CHSY3: variants seen among roughly 807,000 people sequenced by gnomAD.
The protein encoded by CHSY3 is chondroitin sulfate synthase 3.
In CHSY3, 35 loss-of-function variants were observed where a neutral mutation model predicts 67.2. That is an observed-to-expected ratio of 0.52 (90% CI 0.40 to 0.69). CHSY3 has a LOEUF of 0.69. Ranked by LOEUF, CHSY3 falls within the 30% of genes least tolerant of loss-of-function variation. The pLI is 0.00. For missense variants in CHSY3, 1,069 were observed against 1,138.5 expected (o/e 0.94, Z 0.88); for synonymous variants, 474 against 434.7 (o/e 1.09, Z -1.12).
At chr5:129,991,682 T>C (rs1580622788) in intron 2 of CHSY3, among the ~76,000 whole-genome samples, 1 of 152,142 alleles carries the variant, frequency 6.6e-6, no homozygotes, top group South Asian at 2.1e-4. Flanking sequence ...CCATGGGTAG[T>C]GCCTTAATAG....
chr5:130,057,664 A>G (rs1423662991), intron 2 of CHSY3, among the ~76,000 whole-genome samples: 1 of 152,212 alleles, frequency 6.6e-6, no homozygotes, highest in African/African-American at 2.4e-5. Flanking sequence ...ATGTAAGTAT[A>G]AAAGGACTAA....
chr5:130,087,480 C>T (rs1766690088), intron 2 of CHSY3, among the ~76,000 whole-genome samples: 1 of 151,800 alleles, frequency 6.6e-6, no homozygotes, highest in Non-Finnish European at 1.5e-5. Context: ...ATTGTCTCAG[C>T]CCCAAATCTC....
intron 2 of CHSY3, among the ~76,000 whole-genome samples, chr5:129,982,694 A>G (rs536907600): frequency 7.9e-5 from 12 of 152,194 alleles, no homozygotes; most frequent in African/African-American, 2.6e-4. Flanking sequence ...AAGCTTTAAA[A>G]TTTATGTTAA....
chr5:130,084,062 T>A lies in CHSY3; in HGVS notation c.1087-100167T>A, dbSNP rs550884975. On this transcript the variant is annotated intron_variant, in intron 2 of 2. Transcript: ENST00000305031. ...ATCGTGTTAAACCATTTAATGTAAT[T>A]TAGCCACAACTAAAGTTTTCTGTCG... is the stretch of plus-strand genomic sequence containing the variant. Among the ~76,000 whole-genome samples the A allele has an allele frequency of 5.9e-5, 9 of 152,158 alleles. No homozygotes were observed. The South Asian group carries it at 1.9e-3, about 32-fold the overall frequency.
At chr5:130,033,884 A>G (rs190095349) in intron 2 of CHSY3, among the ~76,000 whole-genome samples, 1 of 152,328 alleles carries the variant, frequency 6.6e-6, no homozygotes. Flanking sequence ...CTATCTCAGA[A>G]CAAATTAAAG....
intron 2 of CHSY3, among the ~76,000 whole-genome samples, chr5:130,176,774 T>C (rs926316860): frequency 6.6e-6 from 1 of 151,998 alleles, no homozygotes; most frequent in African/African-American, 2.4e-5. Context: ...TTCTCACTAA[T>C]AGTGGGAGTT....
At chr5:130,097,334 G>A (rs939974681) in intron 2 of CHSY3, among the ~76,000 whole-genome samples, 2 of 152,210 alleles carry the variant, frequency 1.3e-5, no homozygotes, top group Non-Finnish European at 2.9e-5. Flanking sequence ...AAAACTTGAA[G>A]AAAGACTTCT....
At chr5:130,089,123 C>CA (rs1469818166) in intron 2 of CHSY3, among the ~76,000 whole-genome samples, 3 of 147,232 alleles carry the variant, frequency 2.0e-5, no homozygotes, top group African/African-American at 5.0e-5. Context: ...ATTGCAAGGA[C>CA]AAAAAACCAA....
At chr5:130,111,993 G>A (rs746645737) in intron 2 of CHSY3, among the ~76,000 whole-genome samples, 16 of 151,968 alleles carry the variant, frequency 1.1e-4, no homozygotes, top group African/African-American at 3.6e-4. Flanking sequence ...GAAAAGAATT[G>A]GATTAAACAG....
intron 2 of CHSY3, among the ~76,000 whole-genome samples, chr5:130,124,910 T>A (rs1232534364): frequency 6.6e-6 from 1 of 152,250 alleles, no homozygotes; most frequent in African/African-American, 2.4e-5. Context: ...GATTTCTCTC[T>A]CCTTATTCTT....
intron 2 of CHSY3, among the ~76,000 whole-genome samples, chr5:129,971,448 G>T (rs1762638063): frequency 6.6e-6 from 1 of 151,708 alleles, no homozygotes; most frequent in Non-Finnish European, 1.5e-5. Flanking sequence ...GCTAATAAAA[G>T]ACTTACATCA....
At chr5:130,168,057 C>CTTTTTTCT (rs1168183002) in intron 2 of CHSY3, among the ~76,000 whole-genome samples, 1 of 152,048 alleles carries the variant, frequency 6.6e-6, no homozygotes, top group East Asian at 1.9e-4. Flanking sequence ...TGAAGAGGTT[C>CTTTTTTCT]TTTTTTCTTT....
At chr5:129,955,488 C>G (rs571577915) in intron 2 of CHSY3, among the ~76,000 whole-genome samples, 1 of 150,210 alleles carries the variant, frequency 6.7e-6, no homozygotes, top group Non-Finnish European at 1.5e-5. Context: ...TTCCTCCTTT[C>G]TTTCCTTCCT....
intron 2 of CHSY3, among the ~76,000 whole-genome samples, chr5:130,164,751 G>T (rs1017514386): frequency 6.6e-6 from 1 of 152,076 alleles, no homozygotes; most frequent in African/African-American, 2.4e-5. Context: ...GAAAATTCCC[G>T]AGTTTGTTAA....
At chr5:129,938,841 CATCTTCTT>C (rs1250102046) in intron 2 of CHSY3, among the ~76,000 whole-genome samples, 2 of 152,282 alleles carry the variant, frequency 1.3e-5, no homozygotes, top group African/African-American at 2.4e-5. Flanking sequence ...CTCATTTTCT[CATCTTCTT>C]CTGAGCCCTG....
chr5:130,037,716 A>T (rs1276321720), intron 2 of CHSY3, among the ~76,000 whole-genome samples: 1 of 152,054 alleles, frequency 6.6e-6, no homozygotes, highest in African/African-American at 2.4e-5. Flanking sequence ...TTTATTATTT[A>T]ATTTTTTAAA....
rs542306046 is a variant in CHSY3, at chr5:130,186,002, T to C, written c.*211T>C. 9.4e-4 allele frequency: 293 copies of C among 311,082 alleles called. No homozygotes were observed. The highest frequency in any genetic ancestry group is 1.6e-3 in the Non-Finnish European group (271 of 173,570). 19.3% of individuals were successfully genotyped at this position (311,082 alleles called of 1,614,324 possible). A position where few individuals can be genotyped will look rare whatever the true frequency, so the allele number is the denominator to read the frequency against. On this transcript the variant is annotated 3_prime_UTR_variant, in exon 3 of 3. Transcript: ENST00000305031. ...GCAGTTCACTGATGTTTCAGATTTC[T>C]ACTGAAGTCAATATGTTATTACTTT...
intron 2 of CHSY3, among the ~76,000 whole-genome samples, chr5:130,076,689 A>G (rs1193378218): frequency 6.6e-6 from 1 of 152,136 alleles, no homozygotes; most frequent in Middle Eastern, 3.2e-3. Flanking sequence ...TATTATTAAA[A>G]AAGGACATCA....
intron 2 of CHSY3, among the ~76,000 whole-genome samples, chr5:130,012,590 G>A (rs1365119402): frequency 6.6e-6 from 1 of 152,162 alleles, no homozygotes; most frequent in Admixed American, 6.6e-5. Flanking sequence ...GAGAATGAGT[G>A]CCAGCTGGGG....
Sources: allele counts gnomAD v4.1 joint callset (sites outside exome capture counted in the v4.1 genomes callset), GRCh38; gene constraint gnomAD v4.1.1; transcripts MANE v1.5; gene names NCBI Gene and HGNC (gene_info 2026-07-23, HGNC 2026-07-21).